TMEM258: variants seen among roughly 807,000 people sequenced by gnomAD.
TMEM258 encodes the protein transmembrane protein 258, also known as dolichyl-diphosphooligosaccharide--protein glycosyltransferase subunit TMEM258.
In TMEM258, 11 loss-of-function variants were observed where a neutral mutation model predicts 9.9. The observed-to-expected ratio is 1.11, with a 90% CI of 0.70 to 1.85. The LOEUF is 1.85. TMEM258 is among the 40% of genes most tolerant of loss of function. The probability of loss-of-function intolerance (pLI) is 0.00; values close to 1 mark genes in which losing one functional copy is unlikely to be tolerated. For synonymous variants in TMEM258, 40 were observed against 39.1 expected, an observed-to-expected ratio of 1.02 and a Z score of -0.09; for missense variants, 81 against 99.7, an observed-to-expected ratio of 0.81 and a Z score of 0.80.
chr11:61,790,597 G>A lies in TMEM258; in HGVS notation c.9C>T (p.Leu3=), dbSNP rs141028687. Residue 3 remains leucine, a synonymous_variant, in exon 2 of 4, where the codon CTC becomes CTT. Transcript: ENST00000537328. ME[L]EAMSRYTSPV... is the part of the protein sequence containing the mutation. Reference sequence around the variant, plus strand: ...GGCTGGTATATCTGCTCATGGCCTCGAGCTCCTAGAGGAGGGAAAGAGATC... The same window carrying A: ...GGCTGGTATATCTGCTCATGGCCTCAAGCTCCTAGAGGAGGGAAAGAGATC... 8.7e-6 allele frequency: 14 copies of A among 1,612,976 alleles called. No individual in the cohort carries two copies. The highest frequency in any genetic ancestry group is 1.1e-5 in the South Asian group (1 of 90,842).
At chr11:61,790,691 C>T in intron 1 of TMEM258, 89 bp from the exon 2 acceptor site, 1 of 1,152,070 alleles carries the variant, frequency 8.7e-7, no homozygotes, top group South Asian at 1.5e-5. Context: ...CCTGGTGCTG[C>T]CGTGAAACAG....
At chr11:61,791,329 C>T (rs1414192426) in intron 1 of TMEM258, 4 of 152,040 alleles carry the variant, frequency 2.6e-5, no homozygotes, top group Non-Finnish European at 5.9e-5. Context: ...GTGGTGCCAA[C>T]TCGGCTCACT....
chr11:61,791,301 T>C (rs2066782798), intron 1 of TMEM258, among the ~76,000 whole-genome samples: 1 of 151,766 alleles, frequency 6.6e-6, no homozygotes, highest in African/African-American at 2.4e-5. Context: ...TCGCCCAGGC[T>C]GGAGTGCCTG....
rs1172461877 is a variant in TMEM258 at position 61,792,296 on chromosome 11, A to G, written c.3+260T>C. 1.5e-5 allele frequency: 8 copies of G among 550,398 alleles called. No homozygotes were observed. The East Asian group carries it at 2.5e-4, about 17-fold the overall frequency. 34.1% of individuals were successfully genotyped at this position (550,398 alleles called of 1,614,324 possible). On this transcript the variant is annotated intron_variant, in intron 1 of 3. Transcript: ENST00000537328. ...GAAGAACTTTCCAAATAAAGATAAC[A>G]CACCACCGATAACAGAGATATACAA...
At chr11:61,789,655 C>T in intron 3 of TMEM258, 130 bp downstream of exon 3, 2 of 1,105,676 alleles carry the variant, frequency 1.8e-6, no homozygotes, top group Non-Finnish European at 2.5e-6. Flanking sequence ...ACCCATTCCA[C>T]TGAGTCTGTC....
At chr11:61,792,386 AAGG>A (rs1439329713) in intron 1 of TMEM258, 167 bp downstream of exon 1, 1 of 881,544 alleles carries the variant, frequency 1.1e-6, no homozygotes, top group Middle Eastern at 2.2e-4. Flanking sequence ...TGAGAAACCT[AAGG>A]AGTTCATGGC....
chr11:61,792,369 C>G, intron 1 of TMEM258, 187 bp downstream of exon 1: 3 of 721,710 alleles, frequency 4.2e-6, no homozygotes, highest in Non-Finnish European at 7.0e-6. Context: ...CCTTAGAAAT[C>G]GCGAGCTGAG....
At chr11:61,790,783 G>A (rs1257073975) in intron 1 of TMEM258, among the ~76,000 whole-genome samples, 181 bp from the exon 2 acceptor site, 1 of 152,174 alleles carries the variant, frequency 6.6e-6, no homozygotes, top group African/African-American at 2.4e-5. Context: ...TGACCACTAT[G>A]AAAACGTGAC....
At position 61,792,249 on chromosome 11, in the gene TMEM258, T is replaced by C. The variant is rs1191955981; in HGVS notation, c.3+307A>G. 8.8e-6 allele frequency: 4 copies of C among 454,550 alleles called. No homozygotes were observed. In the East Asian group the frequency reaches 1.7e-4, roughly 19 times the overall value. 28.2% of individuals were successfully genotyped at this position (454,550 alleles called of 1,614,324 possible). On this transcript the variant is annotated intron_variant, in intron 1 of 3. Coordinates refer to ENST00000537328, the MANE Select transcript of TMEM258 (RefSeq NM_014206.4). Reference sequence around the variant, plus strand: ...CAATAAACATTTGCCCAGGGCATTGTAGGATGGGCACGGGTTCGGCAGAAG... The same window carrying C: ...CAATAAACATTTGCCCAGGGCATTGCAGGATGGGCACGGGTTCGGCAGAAG...
At chr11:61,792,227 T>A (rs2066789745) in intron 1 of TMEM258, 1 of 394,286 alleles carries the variant, frequency 2.5e-6, no homozygotes, top group Admixed American at 4.1e-5. Flanking sequence ...GCTTCACCAA[T>A]AAACATTTGC....
chr11:61,791,259 A>AT (rs371129621), intron 1 of TMEM258, among the ~76,000 whole-genome samples: 217 of 142,158 alleles, frequency 1.5e-3, no homozygotes, highest in Admixed American at 4.5e-3. Context: ...CCCAGGCTCA[A>AT]TTTTTTTTTT....
At chr11:61,791,003 G>A (rs1007038240) in intron 1 of TMEM258, among the ~76,000 whole-genome samples, 7 of 152,058 alleles carry the variant, frequency 4.6e-5, no homozygotes, top group Non-Finnish European at 5.9e-5. Context: ...CCGGGCTGGA[G>A]GGCAGTGGCA....
chr11:61,790,399 A>C, intron 2 of TMEM258, 94 bp downstream of exon 2: 1 of 1,122,488 alleles, frequency 8.9e-7, no homozygotes, highest in Middle Eastern at 2.0e-4. Flanking sequence ...AATCCAATGT[A>C]CAAAACCGGC....
intron 1 of TMEM258, 61 bp downstream of exon 1, chr11:61,792,495 T>C (rs1264920491): frequency 3.1e-6 from 5 of 1,611,386 alleles, no homozygotes; most frequent in Non-Finnish European, 4.2e-6. Flanking sequence ...ATAAGCGCGG[T>C]GTGGGTCAGA....
intron 1 of TMEM258, among the ~76,000 whole-genome samples, chr11:61,791,136 A>G (rs764982785): frequency 1.3e-5 from 2 of 151,980 alleles, no homozygotes; most frequent in Non-Finnish European, 2.9e-5. Context: ...TTGTATTTTT[A>G]GTAGAGATGG....
Position 61,790,592 on chromosome 11 carries a change from G to A in TMEM258, c.14C>T (p.Ala5Val). Reference sequence around the variant, plus strand: ...CACTGGGCTGGTATATCTGCTCATGGCCTCGAGCTCCTAGAGGAGGGAAAG... The same window carrying A: ...CACTGGGCTGGTATATCTGCTCATGACCTCGAGCTCCTAGAGGAGGGAAAG... The part of the protein sequence containing the change: MELE[A>V]MSRYTSPVNP... Residue 5 changes from alanine (A) to valine (V), a missense_variant, in exon 2 of 4, where the codon GCC becomes GTC. Coordinates refer to ENST00000537328, the MANE Select transcript of TMEM258 (RefSeq NM_014206.4). The A allele has an allele frequency of 6.2e-7, 1 of 1,613,740 alleles. No homozygotes were observed. The highest frequency in any genetic ancestry group is 8.5e-7 in the Non-Finnish European group (1 of 1,179,824).
chr11:61,789,645 A>G, intron 3 of TMEM258, 140 bp downstream of exon 3: 1 of 972,778 alleles, frequency 1.0e-6, no homozygotes, highest in South Asian at 1.8e-5. Context: ...TAGTGTCCCT[A>G]CCCATTCCAC....
At chr11:61,789,683 C>T in intron 3 of TMEM258, 102 bp downstream of exon 3, 1 of 1,355,308 alleles carries the variant, frequency 7.4e-7, no homozygotes, top group Non-Finnish European at 9.8e-7. Flanking sequence ...ACCAAGGGGT[C>T]ATGCTGGTAA....
At chr11:61,790,048 C>A in intron 2 of TMEM258, 127 bp from the exon 3 acceptor site, 1 of 1,216,492 alleles carries the variant, frequency 8.2e-7, no homozygotes, top group Non-Finnish European at 1.1e-6. Context: ...CTCAGAGCAG[C>A]CAGGCAGAGG....
Sources: allele counts gnomAD v4.1 joint callset (sites outside exome capture counted in the v4.1 genomes callset), GRCh38; gene constraint gnomAD v4.1.1; transcripts MANE v1.5; gene names NCBI Gene and HGNC (gene_info 2026-07-23, HGNC 2026-07-21).